Variants in SLC24A3 observed in about 807,000 individuals in gnomAD.
SLC24A3 encodes sodium/potassium/calcium exchanger 3.
A neutral mutation model predicts 75.8 loss-of-function variants in SLC24A3; 28 were observed. The observed-to-expected ratio is 0.37, with a 90% CI of 0.27 to 0.51. The LOEUF (loss-of-function observed/expected upper bound fraction) is 0.51. Among genes scored for constraint, SLC24A3 ranks in the 20% least tolerant of loss-of-function variants. The pLI is 0.94. For missense variants in SLC24A3, 663 were observed against 847.8 expected, an observed-to-expected ratio of 0.78 and a Z score of 2.71; for synonymous variants, 372 against 334.1, an observed-to-expected ratio of 1.11 and a Z score of -1.24.
At chr20:19,298,889 T>TC (rs1476451062) in intron 2 of SLC24A3, among the ~76,000 whole-genome samples, 4 of 152,276 alleles carry the variant, frequency 2.6e-5, no homozygotes, top group African/African-American at 9.6e-5. Context: ...ATACACCACT[T>TC]CCACCAGTCA....
At chr20:19,706,525 C>T (rs1488568256) in intron 15 of SLC24A3, among the ~76,000 whole-genome samples, 1 of 151,926 alleles carries the variant, frequency 6.6e-6, no homozygotes, top group Non-Finnish European at 1.5e-5. Flanking sequence ...GAAATAAGAG[C>T]TTGTAGAATA....
chr20:19,700,396 C>A (rs1555807986), intron 15 of SLC24A3, among the ~76,000 whole-genome samples: 2 of 151,912 alleles, frequency 1.3e-5, no homozygotes, highest in Non-Finnish European at 2.9e-5. Flanking sequence ...TTGTGTAGAT[C>A]ACTTTCTGAT....
chr20:19,593,888 A>C (rs1300506775), intron 6 of SLC24A3, among the ~76,000 whole-genome samples: 1 of 152,166 alleles, frequency 6.6e-6, no homozygotes, highest in Non-Finnish European at 1.5e-5. Context: ...CACTGCTGCA[A>C]CATGTGACAT....
At chr20:19,513,458 C>G (rs1192947098) in intron 2 of SLC24A3, among the ~76,000 whole-genome samples, 2 of 152,182 alleles carry the variant, frequency 1.3e-5, no homozygotes, top group Non-Finnish European at 2.9e-5. Context: ...AGCAGGTGCT[C>G]AATAAATGCT....
At chr20:19,348,617 T>A (rs1985490433) in intron 2 of SLC24A3, among the ~76,000 whole-genome samples, 1 of 152,164 alleles carries the variant, frequency 6.6e-6, no homozygotes, top group African/African-American at 2.4e-5. Context: ...GAGTTGTGTT[T>A]TAGCAGGTCT....
chr20:19,235,120 C>T (rs530339114), intron 1 of SLC24A3, among the ~76,000 whole-genome samples: 5 of 152,336 alleles, frequency 3.3e-5, no homozygotes, highest in African/African-American at 7.2e-5. Flanking sequence ...AGTGCTCTAT[C>T]GGGGCCATTT....
At chr20:19,437,267 G>T (rs141852062) in intron 2 of SLC24A3, among the ~76,000 whole-genome samples, 1 of 152,058 alleles carries the variant, frequency 6.6e-6, no homozygotes, top group Non-Finnish European at 1.5e-5. Flanking sequence ...ATTGAATCAT[G>T]GGGGCAGTTT....
At chr20:19,351,898 A>T (rs75594667) in intron 2 of SLC24A3, among the ~76,000 whole-genome samples, 1,887 of 152,198 alleles carry the variant, frequency 0.012, 42 homozygotes, top group African/African-American at 0.043. Flanking sequence ...TTGTGCCATT[A>T]ATGCATTGTG....
At chr20:19,447,522 T>G (rs1340619344) in intron 2 of SLC24A3, among the ~76,000 whole-genome samples, 1 of 152,028 alleles carries the variant, frequency 6.6e-6, no homozygotes, top group Non-Finnish European at 1.5e-5. Flanking sequence ...TAGAATAAAG[T>G]GGTTTTTTTG....
In SLC24A3 at chr20:19,647,945, A is replaced by G. The variant is rs1283985058; in HGVS notation, c.613-6117A>G. ...AAAATTAGATTTAAAATGTGAATTT[A>G]TTTTGTGTTCCTGGTTGGGAAGATT... On this transcript the variant is annotated intron_variant, in intron 6 of 16. Transcript: ENST00000328041. 5.9e-5 allele frequency among the ~76,000 whole-genome samples: 9 copies of G among 152,190 alleles called. No individual in the cohort carries two copies. The East Asian group carries it at 1.5e-3, about 26-fold the overall frequency.
intron 6 of SLC24A3, among the ~76,000 whole-genome samples, chr20:19,615,604 A>G (rs1319293570): frequency 6.6e-6 from 1 of 152,210 alleles, no homozygotes; most frequent in Non-Finnish European, 1.5e-5. Flanking sequence ...GAACAGCACC[A>G]AACGGATGAT....
At chr20:19,576,305 T>C (rs993144782) in intron 3 of SLC24A3, among the ~76,000 whole-genome samples, 5 of 152,242 alleles carry the variant, frequency 3.3e-5, no homozygotes, top group African/African-American at 1.2e-4. Flanking sequence ...GTTGTATTAA[T>C]AGTACCATCA....
chr20:19,596,751 C>T (rs1230567805), intron 6 of SLC24A3, among the ~76,000 whole-genome samples: 2 of 152,156 alleles, frequency 1.3e-5, no homozygotes, highest in Non-Finnish European at 2.9e-5. Context: ...CAACCTCAGT[C>T]TTTATGAATT....
At chr20:19,252,859 T>C (rs955376623) in intron 1 of SLC24A3, among the ~76,000 whole-genome samples, 1 of 152,202 alleles carries the variant, frequency 6.6e-6, no homozygotes, top group African/African-American at 2.4e-5. Flanking sequence ...AATGAATGTG[T>C]CACTAGCTCT....
At chr20:19,352,578 G>T (rs940868423) in intron 2 of SLC24A3, among the ~76,000 whole-genome samples, 3 of 152,150 alleles carry the variant, frequency 2.0e-5, no homozygotes, top group Admixed American at 2.0e-4. Context: ...AGGGATTCAG[G>T]AACTTCCTAA....
chr20:19,297,619 T>C (rs969427029), intron 2 of SLC24A3, among the ~76,000 whole-genome samples: 2 of 152,244 alleles, frequency 1.3e-5, no homozygotes, highest in African/African-American at 4.8e-5. Context: ...CTCATATACA[T>C]ACATGTAGAT....
intron 2 of SLC24A3, among the ~76,000 whole-genome samples, chr20:19,331,986 G>A (rs576834129): frequency 2.0e-5 from 3 of 152,292 alleles, no homozygotes; most frequent in South Asian, 2.1e-4. Flanking sequence ...GGGACCAGCC[G>A]CTGCAAAGGC....
At chr20:19,467,432 G>A (rs1365503108) in intron 2 of SLC24A3, among the ~76,000 whole-genome samples, 2 of 152,174 alleles carry the variant, frequency 1.3e-5, no homozygotes, top group Non-Finnish European at 2.9e-5. Context: ...CAAGTGTACA[G>A]TCATCTAAAT....
At chr20:19,323,154 C>G (rs1170025813) in intron 2 of SLC24A3, among the ~76,000 whole-genome samples, 1 of 139,938 alleles carries the variant, frequency 7.1e-6, no homozygotes, top group South Asian at 2.2e-4. Context: ...TGCAGTGAGC[C>G]GAGATCGCGC....
Sources: gnomAD v4.1 joint callset for allele counts (sites outside exome capture counted in the v4.1 genomes callset) on GRCh38, gnomAD v4.1.1 for gene constraint, MANE v1.5 for transcripts, NCBI Gene and HGNC (gene_info 2026-07-23, HGNC 2026-07-21) for gene names.